TEX29: variants seen among roughly 807,000 people sequenced by gnomAD.
TEX29 encodes the protein testis expressed 29, also known as testis-expressed protein 29.
In TEX29, 26 loss-of-function variants were observed where a neutral mutation model predicts 18.2. The observed-to-expected ratio is 1.43, with a 90% CI of 1.04 to 1.98. The LOEUF (loss-of-function observed/expected upper bound fraction) is 1.98, where lower values mean the gene tolerates loss of function less well. Among genes scored for constraint, TEX29 ranks in the 30% most tolerant of loss-of-function variants. The pLI, the probability that TEX29 is intolerant of heterozygous loss-of-function variation, is 0.00. For synonymous variants in TEX29, 83 were observed against 78.5 expected, an observed-to-expected ratio of 1.06 and a Z score of -0.31; for missense variants, 177 against 194.2, an observed-to-expected ratio of 0.91 and a Z score of 0.53.
At chr13:111,326,813 C>T (rs558389782) in intron 2 of TEX29, among the ~76,000 whole-genome samples, 2 of 152,234 alleles carry the variant, frequency 1.3e-5, no homozygotes, top group Admixed American at 1.3e-4. Context: ...GTGGCGGACT[C>T]TGTGGGTAGT....
intron 2 of TEX29, 51 bp downstream of exon 2, chr13:111,320,999 G>GA (rs762830755): frequency 1.0e-6 from 1 of 973,768 alleles, no homozygotes; most frequent in Non-Finnish European, 1.5e-6. Context: ...AGCAGTTGGG[G>GA]GGGGGCACAG....
upstream of TEX29, among the ~76,000 whole-genome samples, chr13:111,320,441 A>G (rs1437916979): frequency 1.3e-5 from 2 of 152,156 alleles, no homozygotes; most frequent in African/African-American, 2.4e-5. Flanking sequence ...GACTCAGCCC[A>G]TGGTGTCCCC....
chr13:111,335,744 TATA>T (rs2153641896), intron 3 of TEX29, among the ~76,000 whole-genome samples: 1 of 152,326 alleles, frequency 6.6e-6, no homozygotes, highest in South Asian at 2.1e-4. Flanking sequence ...ATCTTCTCCA[TATA>T]ATGATTAGTG....
intron 3 of TEX29, among the ~76,000 whole-genome samples, chr13:111,334,482 A>G (rs2093686876): frequency 6.6e-6 from 1 of 152,256 alleles, no homozygotes; most frequent in African/African-American, 2.4e-5. Context: ...CTTCCTGCTT[A>G]TGCAGATCCT....
chr13:111,331,929 G>C (rs1040762270), intron 3 of TEX29, among the ~76,000 whole-genome samples: 1 of 152,116 alleles, frequency 6.6e-6, no homozygotes, highest in Non-Finnish European at 1.5e-5. Context: ...TCCTTAGCCG[G>C]TGCCACAGTT....
chr13:111,339,711 G>A (rs2093694602), intron 3 of TEX29, 152 bp from the exon 4 acceptor site: 1 of 698,350 alleles, frequency 1.4e-6, no homozygotes, highest in Admixed American at 2.2e-5. Context: ...TGAGTCTCCA[G>A]GAGACGCTGG....
chr13:111,336,788 G>T (rs192048541), intron 3 of TEX29, among the ~76,000 whole-genome samples: 1 of 152,214 alleles, frequency 6.6e-6, no homozygotes, highest in Admixed American at 6.5e-5. Context: ...CAAAGATATG[G>T]TCTGTAATAA....
rs772712709 is a variant in TEX29 at position 111,320,877 on chromosome 13, T to C, written c.-14T>C. 24 of 1,613,052 alleles carry C rather than the reference T, an allele frequency of 1.5e-5. No homozygotes were observed. ...TCCAGGTGTGCTCGGCCCCTTCATC[T>C]GTCAGCTGCAGCAATGGAATACGTG... On this transcript the variant is annotated 5_prime_UTR_variant, in exon 2 of 6. Transcript: ENST00000283547.
intron 3 of TEX29, among the ~76,000 whole-genome samples, chr13:111,333,721 C>A (rs1338216439): frequency 6.6e-6 from 1 of 151,916 alleles, no homozygotes; most frequent in South Asian, 2.1e-4. Context: ...AGGAAACTTA[C>A]AATCATGCCA....
chr13:111,329,838 ATGGC>A (rs1317687062), intron 3 of TEX29, among the ~76,000 whole-genome samples: 1 of 152,014 alleles, frequency 6.6e-6, no homozygotes, highest in African/African-American at 2.4e-5. Context: ...CATCATCTTG[ATGGC>A]TGGTTGTAGA....
At chr13:111,339,969 G>GGA in intron 4 of TEX29, 37 bp downstream of exon 4, 1 of 1,426,708 alleles carries the variant, frequency 7.0e-7, no homozygotes, top group Admixed American at 1.7e-5. Flanking sequence ...GGGTGGGGAG[G>GGA]AGGGGACTCA....
chr13:111,335,308 G>A (rs887453152), intron 3 of TEX29, among the ~76,000 whole-genome samples: 1 of 152,142 alleles, frequency 6.6e-6, no homozygotes. Flanking sequence ...CTGTCTCATC[G>A]TAAAACCCAT....
At chr13:111,316,293 A>C (rs1352233478), upstream of TEX29, 1 of 477,732 alleles carries the variant, frequency 2.1e-6, no homozygotes, top group Non-Finnish European at 4.2e-6. Context: ...GAAATTAGGG[A>C]TGACATCCTA....
chr13:111,332,206 G>A (rs976413176), intron 3 of TEX29, among the ~76,000 whole-genome samples: 3 of 151,878 alleles, frequency 2.0e-5, no homozygotes, highest in Non-Finnish European at 2.9e-5. Flanking sequence ...TATTTATTTC[G>A]GTCTTTAATT....
intron 2 of TEX29, among the ~76,000 whole-genome samples, chr13:111,324,630 GGA>G (rs1193918868): frequency 1.3e-5 from 2 of 152,170 alleles, no homozygotes; most frequent in Non-Finnish European, 2.9e-5. Context: ...AGAGGGCAAG[GGA>G]GGTGGATGGA....
chr13:111,337,478 G>A lies in TEX29; in HGVS notation c.170-2385G>A, dbSNP rs536238574. On this transcript the variant is annotated intron_variant, in intron 3 of 5. Coordinates refer to ENST00000283547, the MANE Select transcript of TEX29 (RefSeq NM_152324.3). The stretch of plus-strand genomic sequence containing the variant: ...GGCTGCAGTCTTTCCCAGAGCAACT[G>A]GCCCAAGAGAGATCAGGGCAGAAGC... Among the ~76,000 whole-genome samples, 14 of 152,134 alleles carry A rather than the reference G, an allele frequency of 9.2e-5. No homozygotes were observed. In the East Asian group the frequency reaches 2.7e-3, roughly 30 times the overall value.
upstream of TEX29, chr13:111,316,197 GGAA>G (rs754729364): frequency 1.2e-5 from 6 of 500,898 alleles, no homozygotes; most frequent in South Asian, 5.9e-5. Flanking sequence ...GAGTTCTCCT[GGAA>G]GAAGAACCTG....
At chr13:111,326,684 T>TGC (rs2093674439) in intron 2 of TEX29, among the ~76,000 whole-genome samples, 2 of 99,446 alleles carry the variant, frequency 2.0e-5, no homozygotes, top group African/African-American at 8.2e-5. Flanking sequence ...GCGGGCAACG[T>TGC]GAGCCTGGCG....
intron 3 of TEX29, among the ~76,000 whole-genome samples, chr13:111,330,584 A>C (rs896767632): frequency 1.3e-5 from 2 of 152,246 alleles, no homozygotes; most frequent in Admixed American, 1.3e-4. Flanking sequence ...TATTTTTACC[A>C]AGATACTATA....
Sources: allele counts gnomAD v4.1 joint callset (sites outside exome capture counted in the v4.1 genomes callset), GRCh38; gene constraint gnomAD v4.1.1; transcripts MANE v1.5; gene names NCBI Gene and HGNC (gene_info 2026-07-23, HGNC 2026-07-21).